The following TMLHE variants were observed in gnomAD, a reference collection of about 807,000 sequenced individuals.
The protein encoded by TMLHE is trimethyllysine hydroxylase, epsilon, also known as trimethyllysine dioxygenase, mitochondrial.
TMLHE carries 18 observed loss-of-function variants against 25.7 expected under a neutral mutation model. That is an observed-to-expected ratio of 0.70 (90% CI 0.48 to 1.04). The LOEUF (loss-of-function observed/expected upper bound fraction) is 1.04. Ranked by LOEUF, TMLHE falls within the 50% of genes least tolerant of loss-of-function variation. TMLHE has a pLI of 0.00. For missense variants in TMLHE, 236 were observed against 259.0 expected (o/e 0.91, Z 0.61); for synonymous variants, 105 against 97.0 (o/e 1.08, Z -0.49).
At chrX:155,590,050 G>A (rs782338201) in intron 1 of TMLHE, among the ~76,000 whole-genome samples, 3 of 111,860 alleles carry the variant, frequency 2.7e-5, no homozygotes, top group African/African-American at 6.5e-5. Flanking sequence ...TAGAACTCCT[G>A]TACAAAAATA....
rs781939401 is a variant in TMLHE at position 155,588,506 on chromosome X, C to G, written c.-2+24286G>C. Reference sequence around the variant, plus strand: ...AATGAGACTTTATTAAACTAAAGAGCTTTTGTACAGCAAAAGAAACAATCA... The same window carrying G: ...AATGAGACTTTATTAAACTAAAGAGGTTTTGTACAGCAAAAGAAACAATCA... On this transcript the variant is annotated intron_variant, in intron 1 of 7. Transcript: ENST00000334398. Among the ~76,000 whole-genome samples the G allele has an allele frequency of 8.1e-5, 9 of 111,342 alleles. 1 individual carries two copies. In the South Asian group the frequency reaches 3.0e-3, roughly 38 times the overall value.
chrX:155,591,914 A>G (rs1251745357), intron 1 of TMLHE, among the ~76,000 whole-genome samples: 1 of 112,120 alleles, frequency 8.9e-6, no homozygotes, highest in Non-Finnish European at 1.9e-5. Flanking sequence ...CTGCAACACT[A>G]TTTACTATAA....
intron 1 of TMLHE, among the ~76,000 whole-genome samples, chrX:155,599,375 CT>C (rs1557346972): frequency 9.0e-6 from 1 of 111,685 alleles, no homozygotes; most frequent in Non-Finnish European, 1.9e-5. Flanking sequence ...CACAAACATG[CT>C]TGTCAAGAAC....
intron 2 of TMLHE, among the ~76,000 whole-genome samples, chrX:155,528,656 A>G (rs1261528200): frequency 1.8e-5 from 2 of 111,898 alleles, no homozygotes; most frequent in Non-Finnish European, 3.8e-5. Flanking sequence ...GCTGCAAAAT[A>G]CATTATTTCA....
intron 1 of TMLHE, among the ~76,000 whole-genome samples, chrX:155,587,586 T>C (rs782588134): frequency 9.0e-6 from 1 of 111,566 alleles, no homozygotes; most frequent in South Asian, 3.7e-4. Context: ...CTCTCTTTGC[T>C]GATGATATGA....
chrX:155,548,549 C>CAA (rs2067380642), intron 1 of TMLHE, among the ~76,000 whole-genome samples: 10 of 107,392 alleles, frequency 9.3e-5, no homozygotes, highest in Non-Finnish European at 1.9e-4. Flanking sequence ...GCCTGACTAA[C>CAA]ATGGTGAAAC....
rs996397280 is a variant in TMLHE, at chrX:155,601,125, A to G, written c.-2+11667T>C. 9.8e-5 allele frequency among the ~76,000 whole-genome samples: 11 copies of G among 112,054 alleles called. No individual in the cohort carries two copies. The Admixed American group carries it at 1.0e-3, about 11-fold the overall frequency. The stretch of plus-strand genomic sequence containing the variant: ...CAGCAAAATTATCCTTCAAAAATCA[A>G]TGTGAAATAAATAAATTCCACAATA... On this transcript the variant is annotated intron_variant, in intron 1 of 7. Coordinates refer to ENST00000334398, the MANE Select transcript of TMLHE (RefSeq NM_018196.4).
intron 5 of TMLHE, among the ~76,000 whole-genome samples, chrX:155,508,745 T>C (rs1309916758): frequency 9.0e-6 from 1 of 111,093 alleles, no homozygotes; most frequent in African/African-American, 3.3e-5. Flanking sequence ...TGACAATTAG[T>C]TGCTGGTGAC....
At chrX:155,515,083 G>C (rs1488974342) in intron 3 of TMLHE, among the ~76,000 whole-genome samples, 1 of 110,916 alleles carries the variant, frequency 9.0e-6, no homozygotes, top group African/African-American at 3.3e-5. Context: ...GCATAAAAAA[G>C]TATGAGGAAA....
intron 1 of TMLHE, among the ~76,000 whole-genome samples, chrX:155,552,877 T>A (rs2067424270): frequency 9.2e-6 from 1 of 108,664 alleles, no homozygotes; most frequent in South Asian, 3.8e-4. Flanking sequence ...ACAGTAATGG[T>A]TAAACAGTAT....
At chrX:155,548,838 G>T (rs1393035974) in intron 1 of TMLHE, among the ~76,000 whole-genome samples, 1 of 110,581 alleles carries the variant, frequency 9.0e-6, no homozygotes, top group Non-Finnish European at 1.9e-5. Flanking sequence ...GGTCAATATG[G>T]TCAATCAATT....
At chrX:155,576,522 G>A (rs2067590459) in intron 1 of TMLHE, among the ~76,000 whole-genome samples, 1 of 111,657 alleles carries the variant, frequency 9.0e-6, no homozygotes, top group African/African-American at 3.3e-5. Flanking sequence ...AAATTCATAT[G>A]AAACCAAAAA....
intron 1 of TMLHE, among the ~76,000 whole-genome samples, chrX:155,586,109 C>A (rs1557345261): frequency 9.1e-6 from 1 of 109,730 alleles, no homozygotes; most frequent in African/African-American, 3.3e-5. Flanking sequence ...TGCCTGTAAT[C>A]CCAGCTACTC....
chrX:155,593,840 GAAAA>G (rs200543071), intron 1 of TMLHE, among the ~76,000 whole-genome samples: 2 of 100,909 alleles, frequency 2.0e-5, no homozygotes, highest in South Asian at 8.5e-4. Flanking sequence ...ATAAATCCAA[GAAAA>G]AAAAAACAAT....
At position 155,524,436 on chromosome X, in the gene TMLHE, C is replaced by T; in HGVS notation, c.358+20G>A. 1 of 1,103,471 alleles carries T rather than the reference C, an allele frequency of 9.1e-7. No individual in the cohort carries two copies. 90.9% of individuals were successfully genotyped at this position (1,103,471 alleles called of 1,213,427 possible). The stretch of plus-strand genomic sequence containing the variant: ...TCAGAAGAGTACCCCCAAAGAAGAT[C>T]AAGTCTCCTGTCCACTCACAAGTGA... On this transcript the variant is annotated intron_variant, in intron 3 of 7. Transcript: ENST00000334398.
At chrX:155,505,142 GAT>G (rs1739207004) in intron 6 of TMLHE, among the ~76,000 whole-genome samples, 1 of 111,678 alleles carries the variant, frequency 9.0e-6, no homozygotes, top group South Asian at 3.7e-4. Context: ...CTGAAAATAA[GAT>G]TAACTGATGA....
intron 1 of TMLHE, among the ~76,000 whole-genome samples, chrX:155,594,828 A>C (rs2067712170): frequency 9.0e-6 from 1 of 111,396 alleles, no homozygotes; most frequent in Admixed American, 9.5e-5. Context: ...TGTAAGCCTT[A>C]TGATAACAAC....
intron 1 of TMLHE, among the ~76,000 whole-genome samples, chrX:155,606,282 C>T (rs1345624740): frequency 1.8e-5 from 2 of 111,670 alleles, no homozygotes; most frequent in Non-Finnish European, 3.8e-5. Flanking sequence ...CACCCAAAAA[C>T]AACAGACTAT....
At chrX:155,577,941 C>G (rs782786787) in intron 1 of TMLHE, among the ~76,000 whole-genome samples, 2 of 111,435 alleles carry the variant, frequency 1.8e-5, no homozygotes, top group South Asian at 3.8e-4. Context: ...TATGTTGCTC[C>G]CACTGATAGT....
Sources: allele counts gnomAD v4.1 joint callset (sites outside exome capture counted in the v4.1 genomes callset), GRCh38; gene constraint gnomAD v4.1.1; transcripts MANE v1.5; gene names NCBI Gene and HGNC (gene_info 2026-07-23, HGNC 2026-07-21).